PDE11A: variants seen among roughly 807,000 people sequenced by gnomAD.
The protein encoded by PDE11A is dual 3',5'-cyclic-AMP and -GMP phosphodiesterase 11A.
In PDE11A, 100 loss-of-function variants were observed where a neutral mutation model predicts 100.5. The observed-to-expected ratio is 1.00, with a 90% confidence interval of 0.85 to 1.18. PDE11A has a LOEUF of 1.18. Among genes scored for constraint, PDE11A ranks in the 50% most tolerant of loss-of-function variants. The pLI, the probability that PDE11A is intolerant of heterozygous loss-of-function variation, is 0.00. For synonymous variants in PDE11A, 381 were observed against 420.8 expected, an observed-to-expected ratio of 0.91 and a Z score of 1.16; for missense variants, 1,141 against 1,152.6, an observed-to-expected ratio of 0.99 and a Z score of 0.15.
intron 12 of PDE11A, among the ~76,000 whole-genome samples, chr2:177,721,384 C>T (rs1206636252): frequency 6.6e-6 from 1 of 152,048 alleles, no homozygotes; most frequent in Non-Finnish European, 1.5e-5. Context: ...ATAAAATTTG[C>T]TCAATATATT....
chr2:178,094,463 T>G (rs1236410112), intron 2 of PDE11A, among the ~76,000 whole-genome samples: 2 of 152,098 alleles, frequency 1.3e-5, no homozygotes, highest in Non-Finnish European at 2.9e-5. Flanking sequence ...GTCCAGGATG[T>G]CAAGGCTGCA....
At position 178,072,754 on chromosome 2, in the gene PDE11A, G is replaced by T; in HGVS notation, c.-317C>A. ...TGCTCCTGTTCTGGCTGCCGCCGCT[G>T]CTGCTGGAACTGCTGCTGTAACCGG... On this transcript the variant is annotated 5_prime_UTR_variant, in exon 1 of 20. Coordinates refer to ENST00000286063, the MANE Select transcript of PDE11A (RefSeq NM_016953.4). The T allele has an allele frequency of 7.7e-7, 1 of 1,305,448 alleles. No homozygotes were observed. The allele number at this position is 1,305,448 out of a possible 1,614,324, so 80.9% of individuals were successfully genotyped here.
intron 10 of PDE11A, among the ~76,000 whole-genome samples, chr2:177,760,576 T>C (rs934616905): frequency 3.9e-5 from 6 of 152,206 alleles, no homozygotes; most frequent in African/African-American, 1.4e-4. Flanking sequence ...TTCCTAGAGA[T>C]AAATTTTATA....
chr2:177,818,197 C>G (rs1211258969), intron 7 of PDE11A, among the ~76,000 whole-genome samples: 2 of 151,532 alleles, frequency 1.3e-5, no homozygotes, highest in Non-Finnish European at 2.9e-5. Context: ...TACAGTAACT[C>G]TAATATATTG....
chr2:177,854,435 C>T (rs1558974725), intron 5 of PDE11A, among the ~76,000 whole-genome samples: 1 of 151,992 alleles, frequency 6.6e-6, no homozygotes, highest in Non-Finnish European at 1.5e-5. Flanking sequence ...ACCAAGGCTT[C>T]CTTTCCTTCA....
intron 2 of PDE11A, among the ~76,000 whole-genome samples, chr2:178,098,542 C>A (rs1028860350): frequency 1.3e-5 from 2 of 152,074 alleles, no homozygotes; most frequent in African/African-American, 4.8e-5. Context: ...GGAGGATAAG[C>A]AGATGTTGCT....
Position 177,739,808 on chromosome 2 carries a change from G to T in PDE11A, c.1789-11636C>A, listed in dbSNP as rs191718786. Among the ~76,000 whole-genome samples, 7 of 152,210 alleles carry T rather than the reference G, an allele frequency of 4.6e-5. No individual in the cohort carries two copies. In the East Asian group the frequency reaches 1.4e-3, roughly 29 times the overall value. On this transcript the variant is annotated intron_variant, in intron 10 of 19. Transcript: ENST00000286063. Reference sequence around the variant, plus strand: ...TGTAAATCCAGTAAATATTTATATTGGTTTTTGCCATAAAAGCACATGAAG... The same window carrying T: ...TGTAAATCCAGTAAATATTTATATTTGTTTTTGCCATAAAAGCACATGAAG...
At chr2:177,715,292 T>C (rs1041079490) in intron 12 of PDE11A, among the ~76,000 whole-genome samples, 2 of 152,224 alleles carry the variant, frequency 1.3e-5, no homozygotes, top group African/African-American at 4.8e-5. Context: ...CCTAATACTT[T>C]GAATGTTATT....
At chr2:177,652,071 C>T (rs995068138) in intron 19 of PDE11A, among the ~76,000 whole-genome samples, 6 of 152,316 alleles carry the variant, frequency 3.9e-5, no homozygotes, top group East Asian at 3.9e-4. Flanking sequence ...CACTCTCTTG[C>T]GCTTGCTTTG....
chr2:177,911,199 T>C (rs1332093775), intron 2 of PDE11A, among the ~76,000 whole-genome samples: 1 of 152,204 alleles, frequency 6.6e-6, no homozygotes, highest in Non-Finnish European at 1.5e-5. Context: ...AAATGCTGAA[T>C]AAACTCTTCA....
At chr2:177,797,619 C>A (rs2082724097) in intron 9 of PDE11A, among the ~76,000 whole-genome samples, 1 of 152,042 alleles carries the variant, frequency 6.6e-6, no homozygotes, top group Admixed American at 6.5e-5. Flanking sequence ...ATCCAAATAA[C>A]AATTACTTCT....
intron 9 of PDE11A, among the ~76,000 whole-genome samples, chr2:177,772,895 A>G (rs2105506732): frequency 6.6e-6 from 1 of 152,348 alleles, no homozygotes; most frequent in South Asian, 2.1e-4. Flanking sequence ...CATATGTTTC[A>G]TAAATATTAC....
intron 5 of PDE11A, among the ~76,000 whole-genome samples, chr2:177,867,398 T>C (rs573544659): frequency 1.8e-4 from 27 of 152,276 alleles, no homozygotes; most frequent in Admixed American, 3.9e-4. Flanking sequence ...GTACTGGAGA[T>C]CACCTCATGT....
chr2:177,775,917 G>A (rs1478776778), intron 9 of PDE11A, among the ~76,000 whole-genome samples: 1 of 152,160 alleles, frequency 6.6e-6, no homozygotes, highest in African/African-American at 2.4e-5. Flanking sequence ...GCACTTTGAA[G>A]GCAAGGATTG....
chr2:178,103,276 C>T (rs2087582030), intron 2 of PDE11A, among the ~76,000 whole-genome samples: 1 of 152,022 alleles, frequency 6.6e-6, no homozygotes, highest in African/African-American at 2.4e-5. Flanking sequence ...CACAAAGGGT[C>T]ACATATTATA....
At chr2:177,831,927 G>A (rs1343514035) in intron 6 of PDE11A, among the ~76,000 whole-genome samples, 1 of 152,162 alleles carries the variant, frequency 6.6e-6, no homozygotes, top group Non-Finnish European at 1.5e-5. Context: ...TTAGCTATAT[G>A]TTTCAAGGAT....
chr2:177,840,371 G>C lies in PDE11A; in HGVS notation c.1380C>G (p.Ser460Arg). 1 of 1,613,750 alleles carries C rather than the reference G, an allele frequency of 6.2e-7. No individual in the cohort carries two copies. The highest frequency in any genetic ancestry group is 8.5e-7 in the Non-Finnish European group (1 of 1,179,698). Residue 460 changes from serine to arginine, a missense_variant, in exon 6 of 20, where the codon AGC becomes AGG. Transcript: ENST00000286063. The stretch of plus-strand genomic sequence containing the variant: ...AGTCGGAGTATGATGATTTCTCCAT[G>C]CTTTCTTTGAAACTATCAGAGCACC... ...SADAENSFKE[S>R]MEKSSYSDWL...
At chr2:177,670,885 A>G in intron 17 of PDE11A, among the ~76,000 whole-genome samples, 1 of 152,134 alleles carries the variant, frequency 6.6e-6, no homozygotes, top group African/African-American at 2.4e-5. Flanking sequence ...ATCAACCACA[A>G]AAAACTAGTT....
chr2:177,979,848 G>A (rs993818701), intron 2 of PDE11A, among the ~76,000 whole-genome samples: 1 of 149,936 alleles, frequency 6.7e-6, no homozygotes, highest in African/African-American at 2.4e-5. Flanking sequence ...CTGACCTCAT[G>A]ATCCGCCTGC....
Sources: gnomAD v4.1 joint callset for allele counts (sites outside exome capture counted in the v4.1 genomes callset) on GRCh38, gnomAD v4.1.1 for gene constraint, MANE v1.5 for transcripts, NCBI Gene and HGNC (gene_info 2026-07-23, HGNC 2026-07-21) for gene names.